Variants in HYDIN observed in about 807,000 individuals in gnomAD.
The protein encoded by HYDIN is axonemal central pair apparatus protein HYDIN.
In HYDIN, 132 loss-of-function variants were observed where a neutral mutation model predicts 403.9. The observed-to-expected ratio is 0.33, with a 90% confidence interval of 0.28 to 0.38. The LOEUF is 0.38. Ranked by LOEUF, HYDIN falls within the 10% of genes least tolerant of loss-of-function variation. The pLI, the probability that HYDIN is intolerant of heterozygous loss-of-function variation, is 1.00. For missense variants in HYDIN, 2,827 were observed against 5,009.5 expected (o/e 0.56, Z 13.15); for synonymous variants, 1,202 against 1,891.7 (o/e 0.64, Z 9.46).
At chr16:71,178,278 G>A (rs977292435) in intron 4 of HYDIN, among the ~76,000 whole-genome samples, 7 of 151,906 alleles carry the variant, frequency 4.6e-5, no homozygotes, top group Admixed American at 6.6e-5. Flanking sequence ...AATTAGTTGC[G>A]TGTGGTGGCG....
chr16:70,903,066 G>GT (rs2076440371), intron 52 of HYDIN, among the ~76,000 whole-genome samples: 1 of 137,318 alleles, frequency 7.3e-6, no homozygotes, highest in Non-Finnish European at 1.5e-5. Context: ...GGTTACTTCA[G>GT]TTATTACTTA....
chr16:71,106,334 G>A (rs570582070), intron 10 of HYDIN, among the ~76,000 whole-genome samples: 67 of 151,934 alleles, frequency 4.4e-4, no homozygotes, highest in East Asian at 5.8e-4. Flanking sequence ...ATGTTTTTAC[G>A]TGCTTCACAA....
At chr16:71,097,902 C>G (rs1451666956) in intron 10 of HYDIN, among the ~76,000 whole-genome samples, 1 of 152,050 alleles carries the variant, frequency 6.6e-6, no homozygotes, top group Admixed American at 6.6e-5. Flanking sequence ...CATTTTAACA[C>G]CTTGTGACAT....
At chr16:70,808,088 C>A (rs543680226) in intron 85 of HYDIN, 26 bp from the exon 86 acceptor site, 2 of 1,575,838 alleles carry the variant, frequency 1.3e-6, no homozygotes, top group Middle Eastern at 1.7e-4. Context: ...ACAAACTCAG[C>A]TCACGTGAGA....
chr16:71,177,615 C>T (rs1567412883), intron 4 of HYDIN, among the ~76,000 whole-genome samples: 1 of 152,186 alleles, frequency 6.6e-6, no homozygotes, highest in Non-Finnish European at 1.5e-5. Context: ...AACTGCAAGT[C>T]CATTTGCTTT....
intron 84 of HYDIN, 74 bp from the exon 85 acceptor site, chr16:70,810,081 G>A: frequency 1.4e-6 from 2 of 1,389,042 alleles, no homozygotes; most frequent in Non-Finnish European, 2.0e-6. Context: ...ACCTGCCCAA[G>A]GCTCCATAGC....
At chr16:70,881,754 G>C (rs1445465187) in intron 60 of HYDIN, among the ~76,000 whole-genome samples, 1 of 152,276 alleles carries the variant, frequency 6.6e-6, no homozygotes, top group Non-Finnish European at 1.5e-5. Flanking sequence ...GCTCTAGGCT[G>C]ATACCAACAC....
intron 74 of HYDIN, 111 bp from the exon 75 acceptor site, chr16:70,850,058 G>A: frequency 1.6e-6 from 1 of 608,158 alleles, no homozygotes; most frequent in Non-Finnish European, 2.9e-6. Context: ...GATGGCAGAT[G>A]ATGTTGGTGA....
Position 70,943,928 on chromosome 16 carries a change from G to C in HYDIN, c.6553C>G (p.Pro2185Ala), listed in dbSNP as rs766357943. Residue 2185 changes from proline to alanine, a missense_variant, in exon 42 of 86, where the codon CCG becomes GCG. Pro to Ala is a conservative substitution (Grantham distance 27). Coordinates refer to ENST00000393567, the MANE Select transcript of HYDIN (RefSeq NM_001270974.2). ...CTGAGCCAGCGGTGGATGGGCCCCG[G>C]GGGGAGAGGGCTGGAGGAAATCTGT... The part of the protein sequence containing the change: ...TPQISSSPLP[P>A]GPIHRWLSVS... The C allele has an allele frequency of 1.2e-6, 2 of 1,610,932 alleles. No homozygotes were observed. The highest frequency in any genetic ancestry group is 1.7e-6 in the Non-Finnish European group (2 of 1,178,832).
At chr16:71,201,243 G>A (rs1213392962) in intron 1 of HYDIN, among the ~76,000 whole-genome samples, 1 of 152,162 alleles carries the variant, frequency 6.6e-6, no homozygotes, top group Non-Finnish European at 1.5e-5. Context: ...CTTGTTCATT[G>A]CTGTTATACA....
At chr16:71,179,241 G>C (rs1301382797) in intron 3 of HYDIN, among the ~76,000 whole-genome samples, 194 bp from the exon 4 acceptor site, 2 of 151,908 alleles carry the variant, frequency 1.3e-5, no homozygotes, top group African/African-American at 2.4e-5. Context: ...AGAAACTGGA[G>C]GGAAAAATAG....
intron 1 of HYDIN, among the ~76,000 whole-genome samples, chr16:71,227,154 T>C: frequency 6.6e-6 from 1 of 151,832 alleles, no homozygotes; most frequent in Non-Finnish European, 1.5e-5. Flanking sequence ...TGTATGTGTG[T>C]GTGTGTGTGT....
intron 23 of HYDIN, among the ~76,000 whole-genome samples, chr16:70,993,966 G>A (rs2079442915): frequency 6.6e-6 from 1 of 152,018 alleles, no homozygotes; most frequent in Non-Finnish European, 1.5e-5. Flanking sequence ...AAATGATATA[G>A]TCTATGTCTA....
intron 35 of HYDIN, among the ~76,000 whole-genome samples, chr16:70,971,730 G>T (rs1370158624): frequency 6.6e-6 from 1 of 150,912 alleles, no homozygotes; most frequent in African/African-American, 2.4e-5. Context: ...TACTGGCTAA[G>T]AAGGGTTTCT....
intron 9 of HYDIN, among the ~76,000 whole-genome samples, chr16:71,116,228 A>AT (rs2084022040): frequency 9.5e-6 from 1 of 105,746 alleles, no homozygotes; most frequent in Non-Finnish European, 1.9e-5. Context: ...TATGAGTTAG[A>AT]CCTTTTTTTT....
intron 29 of HYDIN, among the ~76,000 whole-genome samples, chr16:70,979,443 A>T (rs1385780606): frequency 6.6e-6 from 1 of 152,102 alleles, no homozygotes; most frequent in Non-Finnish European, 1.5e-5. Flanking sequence ...CCTTTAAGTC[A>T]CTTTTTATGT....
intron 6 of HYDIN, 100 bp from the exon 7 acceptor site, chr16:71,152,883 C>T (rs181841219): frequency 7.1e-5 from 56 of 793,082 alleles, no homozygotes; most frequent in Middle Eastern, 2.5e-4. Context: ...ACAGCTCAGA[C>T]CCAGCACTGC....
chr16:71,092,231 T>G (rs1420386905), intron 11 of HYDIN, among the ~76,000 whole-genome samples: 1 of 152,134 alleles, frequency 6.6e-6, no homozygotes, highest in Non-Finnish European at 1.5e-5. Flanking sequence ...TGAATGTAAG[T>G]GAAATGTGCT....
intron 5 of HYDIN, among the ~76,000 whole-genome samples, chr16:71,169,965 TTA>T (rs1350051581): frequency 1.3e-5 from 2 of 152,210 alleles, no homozygotes; most frequent in Admixed American, 6.5e-5. Context: ...TTACAAATAA[TTA>T]TTTTTTTAAA....
Sources: gnomAD v4.1 joint callset for allele counts (sites outside exome capture counted in the v4.1 genomes callset) on GRCh38, gnomAD v4.1.1 for gene constraint, MANE v1.5 for transcripts, NCBI Gene and HGNC (gene_info 2026-07-23, HGNC 2026-07-21) for gene names.